Variants in DSCAML1 observed in about 807,000 individuals in gnomAD.
DSCAML1 encodes cell adhesion molecule DSCAML1.
DSCAML1 carries 38 observed loss-of-function variants against 200.5 expected under a neutral mutation model. The ratio of observed to expected loss-of-function variants is 0.19; its 90% CI spans 0.15 to 0.25. The LOEUF (loss-of-function observed/expected upper bound fraction) is 0.25, where lower values mean the gene tolerates loss of function less well. Among genes scored for constraint, DSCAML1 ranks in the 10% least tolerant of loss-of-function variants. DSCAML1 has a pLI of 1.00. For missense variants in DSCAML1, 2,223 were observed against 2,858.8 expected, an observed-to-expected ratio of 0.78 and a Z score of 5.07; for synonymous variants, 1,215 against 1,165.0, an observed-to-expected ratio of 1.04 and a Z score of -0.87.
At chr11:117,651,711 C>CA (rs1193144259) in intron 3 of DSCAML1, among the ~76,000 whole-genome samples, 721 of 30,862 alleles carry the variant, frequency 0.023, 83 homozygotes, top group East Asian at 0.05. Context: ...GACTCTGTCT[C>CA]AAAAAAAAAA....
chr11:117,513,601 C>T (rs1017944979), intron 8 of DSCAML1, among the ~76,000 whole-genome samples: 1 of 151,926 alleles, frequency 6.6e-6, no homozygotes, highest in East Asian at 1.9e-4. Flanking sequence ...ATTAGCTGGG[C>T]GTGGTGGCGT....
Position 117,503,945 on chromosome 11 carries a change from C to A in DSCAML1, c.2259G>T (p.Leu753=). The A allele has an allele frequency of 6.2e-7, 1 of 1,614,126 alleles. No individual in the cohort carries two copies. Among genetic ancestry groups the A allele is most frequent in the Non-Finnish European group, 8.5e-7 (1 of 1,180,024 alleles). The part of the protein sequence containing the change: ...RIQILPNSSL[L]IRHVLEEDIG... ...TGTCCTCTTCTAGGACGTGGCGGAT[C>A]AGCAGCGAGCTGTTGGGCAGGATCT... Residue 753 remains leucine, a synonymous_variant, in exon 11 of 33, where the codon CTG becomes CTT. Transcript: ENST00000651296. The surrounding 1 kb of genome is among the most constrained non-coding windows in gnomAD (Gnocchi z 5.2).
At chr11:117,696,166 G>A (rs2053584647) in intron 3 of DSCAML1, among the ~76,000 whole-genome samples, 1 of 152,232 alleles carries the variant, frequency 6.6e-6, no homozygotes, top group Non-Finnish European at 1.5e-5. Flanking sequence ...GAAGACATGG[G>A]GAGACGGGAG....
At chr11:117,640,178 TTCCTCCG>T (rs2052376872) in intron 3 of DSCAML1, among the ~76,000 whole-genome samples, 1 of 152,182 alleles carries the variant, frequency 6.6e-6, no homozygotes, top group South Asian at 2.1e-4. Context: ...TCCTTCCTCC[TTCCTCCG>T]TTCTTCCTCA....
chr11:117,793,851 C>T (rs2055521309), intron 1 of DSCAML1, among the ~76,000 whole-genome samples: 2 of 152,168 alleles, frequency 1.3e-5, no homozygotes, highest in Admixed American at 6.5e-5. Flanking sequence ...CTTTGATGCC[C>T]AGAAAAACGA....
rs764381793 is a variant in DSCAML1, at chr11:117,521,123, A to G, written c.1213+7T>C. On this transcript the variant is annotated splice_region_variant and intron_variant, in intron 6 of 32. Transcript: ENST00000651296. ...CCCGCCCCCTGTGTCCTGGCGCCCCAGCTCACCCTCAAGTGCAATGATGGC... is the reference window on the plus strand; with the variant it reads ...CCCGCCCCCTGTGTCCTGGCGCCCCGGCTCACCCTCAAGTGCAATGATGGC... 2.5e-6 allele frequency: 4 copies of G among 1,608,210 alleles called. No homozygotes were observed. In the South Asian group the frequency reaches 4.4e-5, roughly 18 times the overall value.
intron 8 of DSCAML1, among the ~76,000 whole-genome samples, chr11:117,507,742 C>A (rs1375891328): frequency 6.6e-6 from 1 of 152,198 alleles, no homozygotes; most frequent in Non-Finnish European, 1.5e-5. Flanking sequence ...GGGCTCCTCA[C>A]CTACCAGCTG....
At chr11:117,566,384 G>A (rs1027858188) in intron 3 of DSCAML1, among the ~76,000 whole-genome samples, 39 of 124,058 alleles carry the variant, frequency 3.1e-4, no homozygotes, top group African/African-American at 1.2e-3. Context: ...GCCTTGCTCT[G>A]TTACCCAGGC....
intron 3 of DSCAML1, among the ~76,000 whole-genome samples, chr11:117,650,669 G>C (rs984394073): frequency 8.5e-6 from 1 of 117,596 alleles, no homozygotes; most frequent in Non-Finnish European, 1.8e-5. Context: ...GTGTCTATCT[G>C]TGTGTGTGTG....
chr11:117,688,871 C>T (rs574575690), intron 3 of DSCAML1, among the ~76,000 whole-genome samples: 5 of 152,346 alleles, frequency 3.3e-5, no homozygotes, highest in South Asian at 2.1e-4. Flanking sequence ...AACCAGGGCA[C>T]GGATTGGCTC....
intron 11 of DSCAML1, among the ~76,000 whole-genome samples, chr11:117,499,134 C>T (rs1346852765): frequency 6.6e-6 from 1 of 152,202 alleles, no homozygotes; most frequent in Non-Finnish European, 1.5e-5. Flanking sequence ...TTTGAAGATG[C>T]TTTATTTTTT....
Position 117,606,713 on chromosome 11 carries a change from G to A in DSCAML1, c.512-74191C>T, listed in dbSNP as rs777447348. On this transcript the variant is annotated intron_variant, in intron 3 of 32. Coordinates refer to ENST00000651296, the MANE Select transcript of DSCAML1 (RefSeq NM_020693.4). ...TCAGAGGCCCCCACTTCTCTCTTGGGCAGGAGATTTCAGGGATCCCAATTA... is the reference window on the plus strand; with the variant it reads ...TCAGAGGCCCCCACTTCTCTCTTGGACAGGAGATTTCAGGGATCCCAATTA... 6.6e-5 allele frequency among the ~76,000 whole-genome samples: 10 copies of A among 152,264 alleles called. No homozygotes were observed. The South Asian group carries it at 1.0e-3, about 16-fold the overall frequency.
chr11:117,651,283 G>A (rs1474902972), intron 3 of DSCAML1, among the ~76,000 whole-genome samples: 1 of 152,212 alleles, frequency 6.6e-6, no homozygotes, highest in South Asian at 2.1e-4. Context: ...ACCCTGGCAG[G>A]GGCTGCAGTG....
At chr11:117,647,761 G>A (rs1038123409) in intron 3 of DSCAML1, among the ~76,000 whole-genome samples, 1 of 152,160 alleles carries the variant, frequency 6.6e-6, no homozygotes, top group Non-Finnish European at 1.5e-5. Flanking sequence ...AGTGGAGGGA[G>A]AGAGAGCAAG....
chr11:117,780,811 C>A lies in DSCAML1; in HGVS notation c.47-1G>T. 7.0e-7 allele frequency: 1 copy of A among 1,438,688 alleles called. No individual in the cohort carries two copies. The highest frequency in any genetic ancestry group is 9.1e-7 in the Non-Finnish European group (1 of 1,098,184). The allele number at this position is 1,438,688 out of a possible 1,614,324, so 89.1% of individuals were successfully genotyped here. On this transcript the variant is annotated splice_acceptor_variant, in intron 1 of 32. Transcript: ENST00000651296. LOFTEE classifies it high-confidence loss of function. The surrounding 1 kb of genome is among the most constrained non-coding windows in gnomAD (Gnocchi z 4.8). The stretch of plus-strand genomic sequence containing the variant: ...CTGGTGCCAACATCTTCAGGGCGGG[C>A]TGCAGGAGAGGCAAGGGGAGAGACT...
At chr11:117,752,031 C>T (rs1470446129) in intron 3 of DSCAML1, among the ~76,000 whole-genome samples, 1 of 146,390 alleles carries the variant, frequency 6.8e-6, no homozygotes, top group East Asian at 2.0e-4. Flanking sequence ...ATTCACAAAC[C>T]TCAGCTCTGT....
chr11:117,748,433 T>C (rs990162271), intron 3 of DSCAML1, among the ~76,000 whole-genome samples: 11 of 152,178 alleles, frequency 7.2e-5, no homozygotes, highest in Non-Finnish European at 1.5e-4. Flanking sequence ...ACTTTAGACA[T>C]TGGGAGAAGG....
At chr11:117,468,643 G>C (rs1287956845) in intron 16 of DSCAML1, among the ~76,000 whole-genome samples, 2 of 152,158 alleles carry the variant, frequency 1.3e-5, no homozygotes, top group Non-Finnish European at 2.9e-5. Flanking sequence ...ATCTGGAGAG[G>C]AACCCTGGCT....
At chr11:117,635,574 T>C (rs1383129043) in intron 3 of DSCAML1, among the ~76,000 whole-genome samples, 1 of 150,284 alleles carries the variant, frequency 6.7e-6, no homozygotes, top group African/African-American at 2.5e-5. Flanking sequence ...ATAATATTCG[T>C]TGAGGAGGGG....
Sources: gnomAD v4.1 joint callset for allele counts (sites outside exome capture counted in the v4.1 genomes callset) on GRCh38, gnomAD v4.1.1 for gene constraint, Gnocchi (gnomAD v3.1) non-coding constraint, MANE v1.5 for transcripts, NCBI Gene and HGNC (gene_info 2026-07-23, HGNC 2026-07-21) for gene names.